Variants in MBD5 observed in about 807,000 individuals in gnomAD.
MBD5 encodes methyl-CpG-binding domain protein 5.
In MBD5, 13 loss-of-function variants were observed where a neutral mutation model predicts 117.3. The ratio of observed to expected loss-of-function variants is 0.11; its 90% CI spans 0.07 to 0.18. MBD5 has a LOEUF of 0.18. Among genes scored for constraint, MBD5 ranks in the 10% least tolerant of loss-of-function variants. The probability of loss-of-function intolerance (pLI) is 1.00; values close to 1 mark genes in which losing one functional copy is unlikely to be tolerated. For synonymous variants in MBD5, 727 were observed against 766.4 expected, an observed-to-expected ratio of 0.95 and a Z score of 0.85; for missense variants, 1,879 against 2,093.8, an observed-to-expected ratio of 0.90 and a Z score of 2.00.
rs1223607503 is a variant in MBD5, at chr2:148,494,768, T to C, written c.4962+4174T>C. Reference sequence around the variant, plus strand: ...CGAGGTCAGGAGATCCAGACCATCCTGGCTGACACGGTGAAACCCCGTCTC... The same window carrying C: ...CGAGGTCAGGAGATCCAGACCATCCCGGCTGACACGGTGAAACCCCGTCTC... On this transcript the variant is annotated intron_variant, in intron 11 of 13. Coordinates refer to ENST00000642680, the MANE Select transcript of MBD5 (RefSeq NM_001378120.1). 2.6e-5 allele frequency among the ~76,000 whole-genome samples: 4 copies of C among 152,276 alleles called. No individual in the cohort carries two copies. In the East Asian group the frequency reaches 7.7e-4, roughly 29 times the overall value.
intron 4 of MBD5, among the ~76,000 whole-genome samples, chr2:148,376,272 CTTT>C (rs11304653): frequency 1.5e-5 from 2 of 131,338 alleles, no homozygotes; most frequent in Non-Finnish European, 3.2e-5. Context: ...CTTTTCTTTT[CTTT>C]TTTTTTTTTT....
chr2:148,030,215 C>T (rs1482188329), intron 1 of MBD5, among the ~76,000 whole-genome samples: 2 of 151,834 alleles, frequency 1.3e-5, no homozygotes, highest in Admixed American at 6.6e-5. Flanking sequence ...AGGTTGCCTC[C>T]TGAGTGCAGA....
intron 4 of MBD5, among the ~76,000 whole-genome samples, chr2:148,375,723 T>A (rs978539044): frequency 3.9e-5 from 6 of 152,174 alleles, no homozygotes; most frequent in African/African-American, 1.4e-4. Flanking sequence ...TGTCCACCAA[T>A]ACCAATGAAC....
At chr2:148,506,431 A>T (rs1682034164) in intron 12 of MBD5, among the ~76,000 whole-genome samples, 1 of 152,240 alleles carries the variant, frequency 6.6e-6, no homozygotes, top group Admixed American at 6.5e-5. Flanking sequence ...CCAAGGAATG[A>T]TACTTACCAT....
intron 1 of MBD5, among the ~76,000 whole-genome samples, chr2:148,167,511 C>CTGCA (rs1698155938): frequency 6.6e-6 from 1 of 152,062 alleles, no homozygotes; most frequent in Non-Finnish European, 1.5e-5. Flanking sequence ...GGATTGTGGT[C>CTGCA]TGCATTCTAG....
intron 8 of MBD5, chr2:148,471,394 T>C (rs1001426784): frequency 6.6e-6 from 1 of 152,138 alleles, no homozygotes; most frequent in Non-Finnish European, 1.5e-5. Flanking sequence ...TCAACACTAA[T>C]GATTTATGAG....
intron 3 of MBD5, among the ~76,000 whole-genome samples, chr2:148,332,155 T>C (rs770566549): frequency 1.1e-4 from 16 of 152,140 alleles, no homozygotes; most frequent in Non-Finnish European, 1.8e-4. Flanking sequence ...ATCCTTACTA[T>C]GCAAGCTATA....
intron 4 of MBD5, among the ~76,000 whole-genome samples, chr2:148,411,855 C>T (rs1705260560): frequency 6.6e-6 from 1 of 151,992 alleles, no homozygotes; most frequent in Non-Finnish European, 1.5e-5. Context: ...AATATTGAGT[C>T]ACATTTCTCA....
chr2:148,452,125 T>G (rs1381284690), intron 4 of MBD5, among the ~76,000 whole-genome samples: 2 of 152,224 alleles, frequency 1.3e-5, no homozygotes, highest in African/African-American at 4.8e-5. Flanking sequence ...TTGATGTTAT[T>G]CAAAAAGATT....
chr2:148,090,594 A>T (rs1695913455), intron 1 of MBD5, among the ~76,000 whole-genome samples: 1 of 152,178 alleles, frequency 6.6e-6, no homozygotes, highest in Admixed American at 6.5e-5. Context: ...AACAAAAATT[A>T]TATGATTATT....
chr2:148,511,131 C>A (rs901949625), intron 13 of MBD5, among the ~76,000 whole-genome samples: 2 of 152,110 alleles, frequency 1.3e-5, no homozygotes, highest in Non-Finnish European at 2.9e-5. Context: ...CTAGTGACCA[C>A]CTCTCTTAGG....
chr2:148,218,865 G>A (rs897510248), intron 2 of MBD5, among the ~76,000 whole-genome samples: 10 of 152,288 alleles, frequency 6.6e-5, no homozygotes, highest in Admixed American at 5.9e-4. Flanking sequence ...GTGAGTCAGT[G>A]AGTGAGTAGT....
intron 1 of MBD5, among the ~76,000 whole-genome samples, chr2:148,045,605 T>C (rs182513586): frequency 1.3e-5 from 2 of 152,322 alleles, no homozygotes; most frequent in Admixed American, 1.3e-4. Flanking sequence ...AGTAACTTGC[T>C]CGAGGTTATA....
chr2:148,084,688 C>A (rs1004712326), intron 1 of MBD5, among the ~76,000 whole-genome samples: 24 of 152,024 alleles, frequency 1.6e-4, no homozygotes, highest in African/African-American at 5.8e-4. Flanking sequence ...TTTTTTAAAA[C>A]TTTTCTGGAC....
At chr2:148,336,016 G>T (rs1176144643) in intron 3 of MBD5, among the ~76,000 whole-genome samples, 1 of 152,184 alleles carries the variant, frequency 6.6e-6, no homozygotes, top group Non-Finnish European at 1.5e-5. Context: ...GATGGCATGT[G>T]TGGTTTCCAC....
In MBD5 at chr2:148,445,396, T is replaced by C. The variant is rs575316883; in HGVS notation, c.-556-12807T>C. On this transcript the variant is annotated intron_variant, in intron 4 of 13. Transcript: ENST00000642680. ...GTGAGAACATGCGGTGTTTGGTTTT[T>C]TGTCCTTGCGATAGTTTGCTGAGAA... Among the ~76,000 whole-genome samples, 45 of 151,242 alleles carry C rather than the reference T, an allele frequency of 3.0e-4. No homozygotes were observed. The South Asian group carries it at 9.3e-3, about 31-fold the overall frequency.
chr2:148,090,862 T>C (rs1318484900), intron 1 of MBD5, among the ~76,000 whole-genome samples: 1 of 151,888 alleles, frequency 6.6e-6, no homozygotes, highest in Admixed American at 6.6e-5. Flanking sequence ...GAGAAAGAAA[T>C]AAAGGGCATC....
rs1559033308 is a variant in MBD5 at position 148,345,541 on chromosome 2, A to ATATACACATACATATGTATATACACG, written c.-557+3290_-557+3315dup. ...TATACACATACATATGTATATACAC[A>ATATACACATACATATGTATATACACG]TATACACATACATATGTATATACAC... On this transcript the variant is annotated intron_variant, in intron 4 of 13. Coordinates refer to ENST00000642680, the MANE Select transcript of MBD5 (RefSeq NM_001378120.1). Among the ~76,000 whole-genome samples the ATATACACATACATATGTATATACACG allele has an allele frequency of 2.5e-4, 24 of 97,740 alleles. 1 individual carries two copies. Among genetic ancestry groups the ATATACACATACATATGTATATACACG allele is most frequent in the African/African-American group, 3.7e-4 (8 of 21,672 alleles). 64.1% of individuals were successfully genotyped at this position (97,740 alleles called of 152,430 possible).
chr2:148,410,416 T>G (rs1042663190), intron 4 of MBD5, among the ~76,000 whole-genome samples: 11 of 152,126 alleles, frequency 7.2e-5, no homozygotes, highest in Admixed American at 7.2e-4. Context: ...TAGGTGTTCT[T>G]TATACATTCT....
Sources: allele counts gnomAD v4.1 joint callset (sites outside exome capture counted in the v4.1 genomes callset), GRCh38; gene constraint gnomAD v4.1.1; transcripts MANE v1.5; gene names NCBI Gene and HGNC (gene_info 2026-07-23, HGNC 2026-07-21).